ELL2: variants seen among roughly 807,000 people sequenced by gnomAD.
The protein encoded by ELL2 is RNA polymerase II elongation factor ELL2.
A neutral mutation model predicts 72.8 loss-of-function variants in ELL2; 21 were observed. That is an observed-to-expected ratio of 0.29 (90% CI 0.20 to 0.42). The LOEUF (loss-of-function observed/expected upper bound fraction) is 0.42. ELL2 is among the 10% of genes least tolerant of loss of function. The pLI is 1.00. For missense variants in ELL2, 568 were observed against 772.8 expected (o/e 0.73, Z 3.14); for synonymous variants, 266 against 283.2 (o/e 0.94, Z 0.61).
At position 95,955,331 on chromosome 5, in the gene ELL2, T is replaced by C. The variant is rs571082371; in HGVS notation, c.147+6244A>G. ...CAATTCAAGGTGATAATTTTATTCA[T>C]GAATCTTCAAGGAGCTTATAGCTTA... is the stretch of plus-strand genomic sequence containing the variant. On this transcript the variant is annotated intron_variant, in intron 1 of 11. Coordinates refer to ENST00000237853, the MANE Select transcript of ELL2 (RefSeq NM_012081.6). Among the ~76,000 whole-genome samples, 179 of 152,326 alleles carry C rather than the reference T, an allele frequency of 1.2e-3. 1 individual carries two copies. Among genetic ancestry groups the C allele is most frequent in the African/African-American group, 3.9e-3 (162 of 41,570 alleles).
chr5:95,948,256 C>A (rs1454953738), intron 1 of ELL2, among the ~76,000 whole-genome samples: 1 of 148,994 alleles, frequency 6.7e-6, no homozygotes, highest in Non-Finnish European at 1.5e-5. Flanking sequence ...ATGGTGAAAC[C>A]CCGTCTCTAC....
intron 9 of ELL2, among the ~76,000 whole-genome samples, chr5:95,893,526 C>T (rs1748744803): frequency 6.6e-6 from 1 of 152,102 alleles, no homozygotes; most frequent in Non-Finnish European, 1.5e-5. Flanking sequence ...CTGGGAACCA[C>T]AGGCACCCGC....
Position 95,961,603 on chromosome 5 carries a change from C to T in ELL2, c.119G>A (p.Arg40Gln). 6.2e-7 allele frequency: 1 copy of T among 1,605,552 alleles called. No homozygotes were observed. The highest frequency in any genetic ancestry group is 8.5e-7 in the Non-Finnish European group (1 of 1,176,952). Reference sequence around the variant, plus strand: ...GTGGCTCTGGTAAGTCTCGAGCGCCCGGATCGCCGTCTCGGTGAGCTTCAC... The same window carrying T: ...GTGGCTCTGGTAAGTCTCGAGCGCCTGGATCGCCGTCTCGGTGAGCTTCAC... The part of the protein sequence containing the change: ...LHVKLTETAI[R>Q]ALETYQSHKN... The change falls in exon 1 of 12, where the codon CGG (arginine) becomes CAG (glutamine). Residue 40 changes from arginine (R) to glutamine (Q), a missense_variant. This residue lies in a region of ELL2 where 511 missense variants were observed against 728.4 expected (regional missense o/e 0.70). Coordinates refer to ENST00000237853, the MANE Select transcript of ELL2 (RefSeq NM_012081.6).
At chr5:95,916,015 C>T (rs1455902985) in intron 3 of ELL2, among the ~76,000 whole-genome samples, 1 of 151,282 alleles carries the variant, frequency 6.6e-6, no homozygotes, top group Non-Finnish European at 1.5e-5. Flanking sequence ...AAGGGGGACA[C>T]CAGAAGGAAA....
chr5:95,907,296 A>ATATATATATATATATATTTTTTTTTT, intron 4 of ELL2, among the ~76,000 whole-genome samples: 22 of 116,468 alleles, frequency 1.9e-4, no homozygotes, highest in African/African-American at 7.8e-4. Context: ...ATATATATAT[A>ATATATATATATATATATTTTTTTTTT]TTTTTTTTTT....
intron 9 of ELL2, among the ~76,000 whole-genome samples, chr5:95,892,869 G>A (rs1458500921): frequency 3.3e-5 from 5 of 152,146 alleles, no homozygotes; most frequent in Non-Finnish European, 7.4e-5. Context: ...GTCTGCTGAT[G>A]TAAAGCTGCC....
rs193007421 is a variant in ELL2, at chr5:95,903,549, T to A, written c.742-2469A>T. Among the ~76,000 whole-genome samples, 12 of 152,172 alleles carry A rather than the reference T, an allele frequency of 7.9e-5. No homozygotes were observed. The East Asian group carries it at 2.1e-3, about 27-fold the overall frequency. ...TGGCCTAGGACCTTTGTTTTTTAAG[T>A]CTCTGTTTCTCAATCCTCTATATGT... On this transcript the variant is annotated intron_variant, in intron 5 of 11. Coordinates refer to ENST00000237853, the MANE Select transcript of ELL2 (RefSeq NM_012081.6).
intron 4 of ELL2, among the ~76,000 whole-genome samples, chr5:95,912,111 C>T (rs1749626014): frequency 6.6e-6 from 1 of 152,206 alleles, no homozygotes; most frequent in African/African-American, 2.4e-5. Context: ...CTAAAATTCC[C>T]AGTACCATTA....
chr5:95,906,713 G>A lies in ELL2; in HGVS notation c.551C>T (p.Thr184Ile). ...AATTGTATTTGCAGGGTTCATGGGGGTTGACCTTTTCCTCTCAGGAACTGT... is the reference window on the plus strand; with the variant it reads ...AATTGTATTTGCAGGGTTCATGGGGATTGACCTTTTCCTCTCAGGAACTGT... ...SDTVPERKRSTPMNPANTIRK... is the reference protein window; with the variant it reads ...SDTVPERKRSIPMNPANTIRK... Residue 184 changes from threonine to isoleucine, a missense_variant, in exon 5 of 12, where the codon ACC (threonine) becomes ATC (isoleucine). This residue lies in a region of ELL2 where 511 missense variants were observed against 728.4 expected (regional missense o/e 0.70). Coordinates refer to ENST00000237853, the MANE Select transcript of ELL2 (RefSeq NM_012081.6). The A allele has an allele frequency of 6.2e-7, 1 of 1,613,880 alleles. No individual in the cohort carries two copies. Among genetic ancestry groups the A allele is most frequent in the East Asian group, 2.2e-5 (1 of 44,870 alleles).
Position 95,941,780 on chromosome 5 carries a change from T to C in ELL2, c.195+1222A>G, listed in dbSNP as rs538359386. On this transcript the variant is annotated intron_variant, in intron 2 of 11. Transcript: ENST00000237853. ...CCTGACCCTGGCACATCTCTTCAGA[T>C]ATTATTGCTGCCATTAAAATTTGCA... is the stretch of plus-strand genomic sequence containing the variant. 1.1e-4 allele frequency among the ~76,000 whole-genome samples: 16 copies of C among 152,316 alleles called. No homozygotes were observed. In the South Asian group the frequency reaches 3.1e-3, roughly 30 times the overall value.
intron 1 of ELL2, among the ~76,000 whole-genome samples, chr5:95,943,495 G>A (rs1751047003): frequency 1.3e-5 from 2 of 151,880 alleles, no homozygotes; most frequent in African/African-American, 2.4e-5. Flanking sequence ...GGCAAAAAAT[G>A]GTTAGTATAC....
At chr5:95,954,589 T>TA (rs1751554684) in intron 1 of ELL2, among the ~76,000 whole-genome samples, 1 of 117,336 alleles carries the variant, frequency 8.5e-6, no homozygotes, top group African/African-American at 4.2e-5. Flanking sequence ...TTTTCTTTTT[T>TA]TTTTTTCTTT....
chr5:95,913,810 G>C lies in ELL2; in HGVS notation c.442C>G (p.Arg148Gly). 6.2e-7 allele frequency: 1 copy of C among 1,612,060 alleles called. No homozygotes were observed. The highest frequency in any genetic ancestry group is 8.5e-7 in the Non-Finnish European group (1 of 1,179,186). ...MTQAEEESRN[R>G]STKVIKPGGP... Reference sequence around the variant, plus strand: ...CCGGGTTTGATAACTTTTGTGCTTCGGTTGCGGGATTCCTCCTCTGCCTGG... The same window carrying C: ...CCGGGTTTGATAACTTTTGTGCTTCCGTTGCGGGATTCCTCCTCTGCCTGG... The change falls in exon 4 of 12, where the codon CGA becomes GGA. Residue 148 changes from arginine to glycine, a missense_variant. Arg to Gly is a moderately radical substitution (Grantham distance 125). Transcript: ENST00000237853.
Position 95,961,748 on chromosome 5 carries a change from G to C in ELL2, c.-27C>G, listed in dbSNP as rs1040789301. On this transcript the variant is annotated 5_prime_UTR_variant, in exon 1 of 12. Transcript: ENST00000237853. ...TTAAACTCCCCGGGGTGCCGCCGCC[G>C]CCGCCGCTCCGGCTCTAGCCTCCAC... The C allele has an allele frequency of 5.1e-6, 8 of 1,572,354 alleles. No homozygotes were observed. The African/African-American group carries it at 1.1e-4, about 22-fold the overall frequency.
chr5:95,950,904 G>GTATATATATATA (rs869036736), intron 1 of ELL2, among the ~76,000 whole-genome samples: 5 of 46,608 alleles, frequency 1.1e-4, no homozygotes, highest in Non-Finnish European at 1.7e-4. Context: ...GTATGTATGT[G>GTATATATATATA]TATATATATA....
At chr5:95,906,459 C>G (rs1749362818) in intron 5 of ELL2, 64 bp downstream of exon 5, 1 of 1,494,468 alleles carries the variant, frequency 6.7e-7, no homozygotes, top group Middle Eastern at 1.8e-4. Context: ...TGACAACAAG[C>G]TTTTTTAAAT....
chr5:95,951,383 A>C (rs928648007), intron 1 of ELL2, among the ~76,000 whole-genome samples: 20 of 144,400 alleles, frequency 1.4e-4, no homozygotes, highest in Middle Eastern at 3.5e-3. Flanking sequence ...ATAAAATAAA[A>C]TAAATAAATA....
chr5:95,954,470 G>A (rs1285835600), intron 1 of ELL2, among the ~76,000 whole-genome samples: 1 of 146,168 alleles, frequency 6.8e-6, no homozygotes, highest in Admixed American at 6.8e-5. Context: ...GCAGTGGTGC[G>A]ATGTTGGCTC....
chr5:95,885,792 T>C lies in ELL2; in HGVS notation c.*3079A>G, dbSNP rs1001710664. ...TTATAATCAATGCATGGAGCAATGA[T>C]ATAAACTGACCATAACAATTTTGTG... On this transcript the variant is annotated 3_prime_UTR_variant, in exon 12 of 12. Transcript: ENST00000237853. 6.6e-6 allele frequency: 1 copy of C among 152,228 alleles called. No individual in the cohort carries two copies. The allele number at this position is 152,228 out of a possible 1,614,324, so 9.4% of individuals were successfully genotyped here.
Sources: gnomAD v4.1 joint callset for allele counts (sites outside exome capture counted in the v4.1 genomes callset) on GRCh38, gnomAD v4.1.1 for gene constraint, gnomAD v4.1.1 regional missense constraint, MANE v1.5 for transcripts, NCBI Gene and HGNC (gene_info 2026-07-23, HGNC 2026-07-21) for gene names.